The following NXPE2 variants were observed in gnomAD, a reference collection of about 807,000 sequenced individuals.
NXPE2 encodes the protein NXPE family member 2.
Under a neutral mutation model 34.4 loss-of-function variants are expected in NXPE2, and 34 were observed. The observed-to-expected ratio is 0.99, with a 90% confidence interval of 0.75 to 1.31. The LOEUF (loss-of-function observed/expected upper bound fraction) is 1.31, where lower values mean the gene tolerates loss of function less well. NXPE2 is among the 40% of genes most tolerant of loss of function. The pLI is 0.00. For missense variants in NXPE2, 649 were observed against 672.5 expected (o/e 0.97, Z 0.39); for synonymous variants, 235 against 231.3 (o/e 1.02, Z -0.15).
At chr11:114,721,113 G>T in the NXPE2 span, among the ~76,000 whole-genome samples, 8 of 152,192 alleles carry the variant, frequency 5.3e-5, no homozygotes, top group Non-Finnish European at 8.8e-5. Flanking sequence ...CCTTCAGCAG[G>T]ATGTTAAGAT....
the NXPE2 span, among the ~76,000 whole-genome samples, chr11:114,602,340 T>G: frequency 1.4e-4 from 18 of 125,454 alleles, no homozygotes; most frequent in East Asian, 4.1e-3. Flanking sequence ...ATATGTTATC[T>G]ATAACATATA....
At chr11:114,521,838 C>A in the NXPE2 span, 1 of 695,740 alleles carries the variant, frequency 1.4e-6, no homozygotes, top group Non-Finnish European at 2.4e-6. Flanking sequence ...CCTTACATAG[C>A]CTTCCTCCCC....
At chr11:114,508,744 A>C in the NXPE2 span, among the ~76,000 whole-genome samples, 6 of 152,234 alleles carry the variant, frequency 3.9e-5, no homozygotes, top group Admixed American at 3.9e-4. Flanking sequence ...AAATTGTCTC[A>C]AGATGGATTA....
At chr11:114,799,199 T>C in the NXPE2 span, among the ~76,000 whole-genome samples, 7 of 151,562 alleles carry the variant, frequency 4.6e-5, no homozygotes, top group South Asian at 1.5e-3. Flanking sequence ...TAAGTTAGTC[T>C]ATCTTTAGGT....
the NXPE2 span, among the ~76,000 whole-genome samples, chr11:114,493,698 T>C: frequency 6.6e-6 from 1 of 152,184 alleles, no homozygotes; most frequent in South Asian, 2.1e-4. Flanking sequence ...TTATTATTTT[T>C]TATTTGTTCA....
the NXPE2 span, among the ~76,000 whole-genome samples, chr11:114,799,934 G>A: frequency 2.9e-4 from 42 of 146,758 alleles, no homozygotes; most frequent in Non-Finnish European, 4.9e-4. Context: ...CCTCCCTCCC[G>A]TCTTCATCCG....
the NXPE2 span, among the ~76,000 whole-genome samples, chr11:114,662,290 A>G: frequency 6.6e-6 from 1 of 152,204 alleles, no homozygotes; most frequent in East Asian, 1.9e-4. Context: ...CTGTTATAGC[A>G]GACAGCAAAA....
rs1951476543 is a variant in NXPE2 at position 114,706,545 on chromosome 11, C to G, written c.1295C>G (p.Pro432Arg). ...LFSVKDENYI[P>R]REIDQVAGDK... Reference sequence around the variant, plus strand: ...TCAGTGAAAGATGAAAACTATATCCCACGGGAAATTGACCAGGTAGCAGGA... The same window carrying G: ...TCAGTGAAAGATGAAAACTATATCCGACGGGAAATTGACCAGGTAGCAGGA... The change falls in exon 6 of 6, where the codon CCA (proline) becomes CGA (arginine). Residue 432 changes from proline to arginine, a missense_variant. Coordinates refer to ENST00000389586, the MANE Select transcript of NXPE2 (RefSeq NM_182495.6). The G allele has an allele frequency of 6.4e-7, 1 of 1,551,674 alleles. No individual in the cohort carries two copies. The highest frequency in any genetic ancestry group is 8.7e-7 in the Non-Finnish European group (1 of 1,147,002).
chr11:114,650,576 A>C, the NXPE2 span, among the ~76,000 whole-genome samples: 1 of 151,144 alleles, frequency 6.6e-6, no homozygotes, highest in Non-Finnish European at 1.5e-5. Context: ...GAAGTGAGAA[A>C]AAATCTACAC....
chr11:114,538,205 C>G, the NXPE2 span, among the ~76,000 whole-genome samples: 4 of 152,124 alleles, frequency 2.6e-5, no homozygotes, highest in African/African-American at 7.2e-5. Context: ...ATAAATGGTG[C>G]TGGGAAAATT....
chr11:114,746,737 G>A, the NXPE2 span, among the ~76,000 whole-genome samples: 4 of 152,110 alleles, frequency 2.6e-5, no homozygotes, highest in African/African-American at 9.7e-5. Flanking sequence ...TGTAGTCCCA[G>A]ATCCTTGGGA....
At chr11:114,784,634 C>A in the NXPE2 span, among the ~76,000 whole-genome samples, 1 of 152,146 alleles carries the variant, frequency 6.6e-6, no homozygotes, top group African/African-American at 2.4e-5. Flanking sequence ...CACAGAAAAA[C>A]CTCTTCTTTC....
the NXPE2 span, among the ~76,000 whole-genome samples, chr11:114,721,434 C>G: frequency 6.6e-6 from 1 of 152,044 alleles, no homozygotes; most frequent in Non-Finnish European, 1.5e-5. Flanking sequence ...TGGATACAAC[C>G]TGCTGCTGTT....
intron 2 of NXPE2, 101 bp from the exon 3 acceptor site, chr11:114,697,944 T>A (rs1228790801): frequency 8.8e-7 from 1 of 1,136,136 alleles, no homozygotes; most frequent in East Asian, 2.8e-5. Context: ...GATATTTAAT[T>A]TATCACACTG....
At chr11:114,802,300 T>C in the NXPE2 span, among the ~76,000 whole-genome samples, 1 of 152,188 alleles carries the variant, frequency 6.6e-6, no homozygotes, top group Non-Finnish European at 1.5e-5. Flanking sequence ...TTCAACTCAG[T>C]CTAATTCCAT....
chr11:114,547,203 CAAG>C, the NXPE2 span, among the ~76,000 whole-genome samples: 1 of 152,098 alleles, frequency 6.6e-6, no homozygotes, highest in East Asian at 1.9e-4. Flanking sequence ...GCCAGGTGAT[CAAG>C]ATTAACATCA....
At chr11:114,768,274 C>T in the NXPE2 span, among the ~76,000 whole-genome samples, 2 of 152,102 alleles carry the variant, frequency 1.3e-5, no homozygotes, top group Non-Finnish European at 2.9e-5. Context: ...GTCTATATAT[C>T]TGTTTTGGTA....
chr11:114,787,126 C>T, the NXPE2 span, among the ~76,000 whole-genome samples: 3 of 152,114 alleles, frequency 2.0e-5, no homozygotes, highest in African/African-American at 7.2e-5. Context: ...CCCGGAGCTC[C>T]CTCTGACAAG....
At chr11:114,559,400 G>A in the NXPE2 span, among the ~76,000 whole-genome samples, 1 of 152,164 alleles carries the variant, frequency 6.6e-6, no homozygotes, top group African/African-American at 2.4e-5. Context: ...CATAAAACAA[G>A]GCAAAGAAAT....
Sources: allele counts gnomAD v4.1 joint callset (sites outside exome capture counted in the v4.1 genomes callset), GRCh38; gene constraint gnomAD v4.1.1; transcripts MANE v1.5; gene names NCBI Gene and HGNC (gene_info 2026-07-23, HGNC 2026-07-21).